GALNTL6: variants seen among roughly 807,000 people sequenced by gnomAD.
GALNTL6 encodes the protein polypeptide N-acetylgalactosaminyltransferase-like 6.
Under a neutral mutation model 73.7 loss-of-function variants are expected in GALNTL6, and 46 were observed. The ratio of observed to expected loss-of-function variants is 0.62; its 90% CI spans 0.49 to 0.80. GALNTL6 has a LOEUF of 0.80. GALNTL6 is among the 30% of genes least tolerant of loss of function. GALNTL6 has a pLI of 0.00. For missense variants in GALNTL6, 604 were observed against 755.0 expected (o/e 0.80, Z 2.34); for synonymous variants, 259 against 263.7 (o/e 0.98, Z 0.17).
chr4:172,035,103 A>C (rs979965310), intron 2 of GALNTL6, among the ~76,000 whole-genome samples: 1 of 152,102 alleles, frequency 6.6e-6, no homozygotes. Flanking sequence ...TGGCATGTCT[A>C]TGCCTGTCCT....
intron 8 of GALNTL6, among the ~76,000 whole-genome samples, chr4:172,889,495 T>G (rs994338093): frequency 3.3e-5 from 5 of 152,228 alleles, no homozygotes; most frequent in Non-Finnish European, 5.9e-5. Flanking sequence ...AAGCATTTTC[T>G]ACATCTATTA....
intron 7 of GALNTL6, among the ~76,000 whole-genome samples, chr4:172,814,541 AT>A (rs916227611): frequency 6.6e-5 from 10 of 152,138 alleles, no homozygotes; most frequent in Non-Finnish European, 1.3e-4. Context: ...TAAAATTGTT[AT>A]TTTAAAACTA....
At chr4:171,884,557 TTGTC>T (rs1736554076) in intron 2 of GALNTL6, among the ~76,000 whole-genome samples, 1 of 151,656 alleles carries the variant, frequency 6.6e-6, no homozygotes, top group South Asian at 2.1e-4. Flanking sequence ...ATATATGTAG[TTGTC>T]TGTTGGAGTC....
intron 5 of GALNTL6, among the ~76,000 whole-genome samples, chr4:172,495,398 C>T (rs996681804): frequency 2.0e-5 from 3 of 152,194 alleles, no homozygotes; most frequent in South Asian, 2.1e-4. Context: ...ATGTATCCAG[C>T]ACAGTCTTAC....
chr4:171,970,261 C>T (rs886284417), intron 2 of GALNTL6, among the ~76,000 whole-genome samples: 32 of 152,294 alleles, frequency 2.1e-4, no homozygotes, highest in African/African-American at 7.5e-4. Context: ...AAATTCTAAG[C>T]TTAAATACTA....
At chr4:172,803,720 C>T (rs1299568968) in intron 5 of GALNTL6, among the ~76,000 whole-genome samples, 1 of 152,012 alleles carries the variant, frequency 6.6e-6, no homozygotes, top group Non-Finnish European at 1.5e-5. Context: ...TTTATATTAG[C>T]AAAAAATATA....
At chr4:172,831,157 C>CAAAAAAAAAAAAAAAA (rs60870698) in intron 7 of GALNTL6, among the ~76,000 whole-genome samples, 7 of 63,882 alleles carry the variant, frequency 1.1e-4, no homozygotes, top group Non-Finnish European at 2.0e-4. Context: ...GACTCCCTCT[C>CAAAAAAAAAAAAAAAA]AAAAAAAAAA....
chr4:172,963,843 G>A (rs1347343115), intron 10 of GALNTL6, among the ~76,000 whole-genome samples: 1 of 152,224 alleles, frequency 6.6e-6, no homozygotes, highest in African/African-American at 2.4e-5. Context: ...ACATCCTATG[G>A]GGAAGAAGGA....
intron 12 of GALNTL6, among the ~76,000 whole-genome samples, chr4:173,022,322 AG>A (rs1389091109): frequency 1.3e-5 from 2 of 152,220 alleles, no homozygotes; most frequent in African/African-American, 4.8e-5. Context: ...GTGTGTAGAA[AG>A]GGGCAAGCTT....
In GALNTL6 at chr4:172,029,246, T is replaced by G. The variant is rs1005564339; in HGVS notation, c.139-200410T>G. ...ATGAAGCAATTCTTATGAAACTAAGTGTAAAATACCTACAAATTTCAAAGA... is the reference window on the plus strand; with the variant it reads ...ATGAAGCAATTCTTATGAAACTAAGGGTAAAATACCTACAAATTTCAAAGA... On this transcript the variant is annotated intron_variant, in intron 2 of 12. Transcript: ENST00000506823. Among the ~76,000 whole-genome samples, 4 of 152,208 alleles carry G rather than the reference T, an allele frequency of 2.6e-5. No individual in the cohort carries two copies. In the East Asian group the frequency reaches 7.7e-4, roughly 29 times the overall value.
chr4:172,269,496 T>C (rs1427829193), intron 3 of GALNTL6, among the ~76,000 whole-genome samples: 3 of 152,016 alleles, frequency 2.0e-5, no homozygotes, highest in Non-Finnish European at 4.4e-5. Flanking sequence ...GTCAGGAAGA[T>C]ATGGAAGCAG....
chr4:172,817,913 A>G (rs1178835454), intron 7 of GALNTL6, among the ~76,000 whole-genome samples: 1 of 152,204 alleles, frequency 6.6e-6, no homozygotes, highest in Non-Finnish European at 1.5e-5. Context: ...CCTACTTGAG[A>G]TACGAGGAAT....
At chr4:172,127,152 C>T (rs976369489) in intron 2 of GALNTL6, among the ~76,000 whole-genome samples, 1 of 152,194 alleles carries the variant, frequency 6.6e-6, no homozygotes, top group African/African-American at 2.4e-5. Context: ...CCTACTCAAG[C>T]ATTCTGATGT....
chr4:171,909,910 G>A (rs949334763), intron 2 of GALNTL6, among the ~76,000 whole-genome samples: 6 of 152,026 alleles, frequency 3.9e-5, no homozygotes, highest in Non-Finnish European at 7.4e-5. Context: ...GACAAACAAC[G>A]TGACTATTTT....
rs542817890 is a variant in GALNTL6 at position 172,901,890 on chromosome 4, T to C, written c.1041+18983T>C. On this transcript the variant is annotated intron_variant, in intron 8 of 12. Transcript: ENST00000506823. ...AAATGGGCTCTCTGGAGAAATGATC[T>C]GTCTGCACTGTGTCCAGTCTTCAGT... is the stretch of plus-strand genomic sequence containing the variant. 4.6e-5 allele frequency among the ~76,000 whole-genome samples: 7 copies of C among 152,324 alleles called. No homozygotes were observed. The South Asian group carries it at 1.2e-3, about 27-fold the overall frequency.
chr4:172,333,938 T>C (rs965140217), intron 4 of GALNTL6, among the ~76,000 whole-genome samples: 2 of 152,236 alleles, frequency 1.3e-5, no homozygotes, highest in African/African-American at 4.8e-5. Context: ...ATTTATTGAA[T>C]AGGGTGTCCT....
In GALNTL6 at chr4:171,894,678, A is replaced by G. The variant is rs367554372; in HGVS notation, c.138+79960A>G. Among the ~76,000 whole-genome samples, 3 of 152,268 alleles carry G rather than the reference A, an allele frequency of 2.0e-5. No individual in the cohort carries two copies. In the East Asian group the frequency reaches 5.8e-4, roughly 29 times the overall value. Reference sequence around the variant, plus strand: ...AACCTGGCCCAACTGTTTCTTTTAAATATGATGAAATCAAAGTTAAATGAT... The same window carrying G: ...AACCTGGCCCAACTGTTTCTTTTAAGTATGATGAAATCAAAGTTAAATGAT... On this transcript the variant is annotated intron_variant, in intron 2 of 12. Transcript: ENST00000506823.
intron 2 of GALNTL6, among the ~76,000 whole-genome samples, chr4:171,868,967 C>T (rs1736058081): frequency 6.6e-6 from 1 of 152,208 alleles, no homozygotes; most frequent in African/African-American, 2.4e-5. Flanking sequence ...AGGCATGAGC[C>T]ACCGTGTCTT....
Position 172,616,873 on chromosome 4 carries a change from A to G in GALNTL6, c.554-192488A>G, listed in dbSNP as rs73869569. On this transcript the variant is annotated intron_variant, in intron 5 of 12. Coordinates refer to ENST00000506823, the MANE Select transcript of GALNTL6 (RefSeq NM_001034845.3). Reference sequence around the variant, plus strand: ...CAGGTCTCCACCTTTCAAGGAACCCACACACCCTGCCATAAAATCACTTTT... The same window carrying G: ...CAGGTCTCCACCTTTCAAGGAACCCGCACACCCTGCCATAAAATCACTTTT... Among the ~76,000 whole-genome samples, 1,308 of 152,222 alleles carry G rather than the reference A, an allele frequency of 8.6e-3. 16 individuals carry two copies. Among genetic ancestry groups the G allele is most frequent in the African/African-American group, 0.026 (1,099 of 41,522 alleles).
Sources: allele counts gnomAD v4.1 joint callset (sites outside exome capture counted in the v4.1 genomes callset), GRCh38; gene constraint gnomAD v4.1.1; transcripts MANE v1.5; gene names NCBI Gene and HGNC (gene_info 2026-07-23, HGNC 2026-07-21).